The following WDFY3 variants were observed in gnomAD, a reference collection of about 807,000 sequenced individuals.
The protein encoded by WDFY3 is WD repeat and FYVE domain containing 3, also known as WD repeat and FYVE domain-containing protein 3.
A neutral mutation model predicts 409.6 loss-of-function variants in WDFY3; 66 were observed. The ratio of observed to expected loss-of-function variants is 0.16; its 90% CI spans 0.13 to 0.20. WDFY3 has a LOEUF of 0.20. Among genes scored for constraint, WDFY3 ranks in the 10% least tolerant of loss-of-function variants. The pLI, the probability that WDFY3 is intolerant of heterozygous loss-of-function variation, is 1.00. For missense variants in WDFY3, 3,031 were observed against 4,298.1 expected, an observed-to-expected ratio of 0.71 and a Z score of 8.24; for synonymous variants, 1,521 against 1,537.1, an observed-to-expected ratio of 0.99 and a Z score of 0.25.
Position 84,850,133 on chromosome 4 carries a change from C to T in WDFY3, c.181-108G>A, listed in dbSNP as rs1350138177. On this transcript the variant is annotated intron_variant, in intron 4 of 67. Transcript: ENST00000295888. ...TGAAAATCAAGTCCAGAAAAGTCTA[C>T]CTACACAGTTACTTTGAATCTTAAT... is the stretch of plus-strand genomic sequence containing the variant. 3 of 1,192,230 alleles carry T rather than the reference C, an allele frequency of 2.5e-6. No homozygotes were observed. The South Asian group carries it at 5.1e-5, about 20-fold the overall frequency. 73.9% of individuals were successfully genotyped at this position (1,192,230 alleles called of 1,614,324 possible).
intron 16 of WDFY3, among the ~76,000 whole-genome samples, chr4:84,802,436 T>A (rs1750760769): frequency 6.6e-6 from 1 of 151,896 alleles, no homozygotes; most frequent in South Asian, 2.1e-4. Flanking sequence ...ATTTTTTGCA[T>A]TTTTTGTATT....
In WDFY3 at chr4:84,677,416, G is replaced by A. The variant is rs1475923531; in HGVS notation, c.10260-20C>T. On this transcript the variant is annotated intron_variant, in intron 66 of 67. Coordinates refer to ENST00000295888, the MANE Select transcript of WDFY3 (RefSeq NM_014991.6). ...TGATCCCTGCAGGAGACACGACAGA[G>A]GAGGTCACTGCACGGAAGGCTTCTG... The A allele has an allele frequency of 1.3e-6, 2 of 1,575,418 alleles. No homozygotes were observed. Among genetic ancestry groups the A allele is most frequent in the African/African-American group, 1.4e-5 (1 of 73,646 alleles).
intron 11 of WDFY3, 61 bp downstream of exon 11, chr4:84,821,022 CA>C (rs1431489564): frequency 1.4e-6 from 2 of 1,420,350 alleles, no homozygotes; most frequent in Admixed American, 2.5e-5. Context: ...GGAACAAGAA[CA>C]AAAAATTCTC....
chr4:84,684,387 C>T (rs1185134404), intron 62 of WDFY3, among the ~76,000 whole-genome samples: 1 of 152,148 alleles, frequency 6.6e-6, no homozygotes, highest in Non-Finnish European at 1.5e-5. Flanking sequence ...GGTCCACGTC[C>T]CTGGCACACT....
At chr4:84,897,133 G>A (rs1765743204) in intron 2 of WDFY3, 123 bp from the exon 3 acceptor site, 1 of 152,282 alleles carries the variant, frequency 6.6e-6, no homozygotes, top group Admixed American at 6.5e-5. Context: ...GTTGGATACT[G>A]GAATCAACTA....
chr4:84,709,657 T>C (rs542882534), intron 51 of WDFY3, among the ~76,000 whole-genome samples: 17 of 152,360 alleles, frequency 1.1e-4, no homozygotes, highest in South Asian at 8.3e-4. Context: ...GAATGTAATA[T>C]ATATTTTTTA....
rs1734332273 is a variant in WDFY3, at chr4:84,718,545, C to T, written c.7631G>A (p.Arg2544Gln). The T allele has an allele frequency of 1.9e-6, 3 of 1,613,414 alleles. No individual in the cohort carries two copies. The highest frequency in any genetic ancestry group is 1.3e-5 in the African/African-American group (1 of 74,894). ...CTCACTGGTATCTAGGCCCTGGACT[C>T]GAGCACAGCGGTACATGTGTTGGAT... ...EKIQHMYRCA[R>Q]VQGLDTSEGL... The change falls in exon 48 of 68, where the codon CGA becomes CAA. Residue 2544 changes from arginine (R) to glutamine (Q), a missense_variant. By Grantham distance (43) the Arg-to-Gln change is conservative. This residue lies in a region of WDFY3 where 17 missense variants were observed against 36.7 expected (regional missense o/e 0.46). Transcript: ENST00000295888.
At chr4:84,925,751 A>G (rs950993472) in intron 2 of WDFY3, among the ~76,000 whole-genome samples, 2 of 152,092 alleles carry the variant, frequency 1.3e-5, no homozygotes, top group African/African-American at 4.8e-5. Context: ...GGAGATGCAT[A>G]TTAAAGTATG....
chr4:84,678,108 G>C (rs376258730), intron 66 of WDFY3, 60 bp downstream of exon 66: 1 of 1,255,120 alleles, frequency 8.0e-7, no homozygotes, highest in East Asian at 2.3e-5. Context: ...GGAGTATGTG[G>C]CCCTTGGCTA....
At chr4:84,684,951 CT>C (rs1560525153) in intron 62 of WDFY3, among the ~76,000 whole-genome samples, 1 of 152,206 alleles carries the variant, frequency 6.6e-6, no homozygotes, top group Admixed American at 6.5e-5. Context: ...ACACAGCAAC[CT>C]TGTGAGATTA....
At position 84,749,798 on chromosome 4, in the gene WDFY3, C is replaced by A. The variant is rs144518171; in HGVS notation, c.5973+1685G>T. Among the ~76,000 whole-genome samples the A allele has an allele frequency of 6.5e-4, 99 of 152,254 alleles. 1 individual carries two copies. The East Asian group carries it at 0.017, about 27-fold the overall frequency. On this transcript the variant is annotated intron_variant, in intron 36 of 67. Transcript: ENST00000295888. ...TCAATCCTGACACCCCCTGCTTTTC[C>A]CTGAACTGTACTCCTACTCGCTAGT... is the stretch of plus-strand genomic sequence containing the variant.
intron 2 of WDFY3, among the ~76,000 whole-genome samples, chr4:84,910,390 AAAT>A (rs1160767950): frequency 1.3e-5 from 2 of 152,108 alleles, no homozygotes; most frequent in Non-Finnish European, 2.9e-5. Context: ...ATCCAATTAA[AAAT>A]AAAACATTTA....
chr4:84,762,327 A>G (rs372415266), intron 32 of WDFY3, among the ~76,000 whole-genome samples: 1 of 151,954 alleles, frequency 6.6e-6, no homozygotes, highest in Non-Finnish European at 1.5e-5. Context: ...CATGGATGAA[A>G]CTGGAAATCA....
At chr4:84,864,604 A>C (rs1359295919) in intron 3 of WDFY3, among the ~76,000 whole-genome samples, 1 of 152,274 alleles carries the variant, frequency 6.6e-6, no homozygotes, top group East Asian at 1.9e-4. Context: ...TACGAATTGC[A>C]GTCTTTCTAT....
rs1578857211 is a variant in WDFY3 at position 84,860,458 on chromosome 4, T to C, written c.134A>G (p.Lys45Arg). ...CATATACAGTTTCTCTTCTTGTTCC[T>C]TCTGAGTCATGTGCCGGGGAGGATG... ...LCHPPRHMTQ[K>R]EQEEKLYMML... Residue 45 changes from lysine to arginine, a missense_variant, in exon 4 of 68, where the codon AAG (lysine) becomes AGG (arginine). By Grantham distance (26) the Lys-to-Arg change is conservative (BLOSUM62 2). Coordinates refer to ENST00000295888, the MANE Select transcript of WDFY3 (RefSeq NM_014991.6). 2 of 1,614,170 alleles carry C rather than the reference T, an allele frequency of 1.2e-6. No individual in the cohort carries two copies. The highest frequency in any genetic ancestry group is 4.5e-5 in the East Asian group (2 of 44,870).
intron 3 of WDFY3, among the ~76,000 whole-genome samples, chr4:84,881,411 C>A (rs552135750): frequency 6.6e-6 from 1 of 152,048 alleles, no homozygotes; most frequent in Non-Finnish European, 1.5e-5. Flanking sequence ...AAGTACTTTG[C>A]AAGAAAGACG....
Position 84,772,937 on chromosome 4 carries a change from C to T in WDFY3, c.4755-8G>A. On this transcript the variant is annotated splice_polypyrimidine_tract_variant and splice_region_variant and intron_variant, in intron 29 of 67. Coordinates refer to ENST00000295888, the MANE Select transcript of WDFY3 (RefSeq NM_014991.6). ...GAAATAAACTGCCCAAATCTTTAAA[C>T]AAAGGAAAACAAGATTATGGATTTT... is the stretch of plus-strand genomic sequence containing the variant. 6.3e-7 allele frequency: 1 copy of T among 1,578,940 alleles called. No homozygotes were observed. Among genetic ancestry groups the T allele is most frequent in the Non-Finnish European group, 8.6e-7 (1 of 1,165,806 alleles).
intron 56 of WDFY3, among the ~76,000 whole-genome samples, chr4:84,701,281 T>C (rs553107098): frequency 7.5e-4 from 114 of 152,348 alleles, no homozygotes; most frequent in African/African-American, 2.7e-3. Context: ...TAATTACAGG[T>C]AATGAAAATC....
intron 33 of WDFY3, among the ~76,000 whole-genome samples, chr4:84,756,233 G>A (rs925897875): frequency 6.6e-6 from 1 of 152,086 alleles, no homozygotes; most frequent in Non-Finnish European, 1.5e-5. Context: ...CACTCGAGGA[G>A]TGATATTTAA....
Sources: allele counts gnomAD v4.1 joint callset (sites outside exome capture counted in the v4.1 genomes callset), GRCh38; gene constraint gnomAD v4.1.1; regional missense constraint gnomAD v4.1.1; transcripts MANE v1.5; gene names NCBI Gene and HGNC (gene_info 2026-07-23, HGNC 2026-07-21).